Variants in ZNF365 observed in about 807,000 individuals in gnomAD.
ZNF365 encodes zinc finger protein 365, also known as protein ZNF365.
In ZNF365, 22 loss-of-function variants were observed where a neutral mutation model predicts 35.0. The observed-to-expected ratio is 0.63, with a 90% CI of 0.45 to 0.90. The LOEUF (loss-of-function observed/expected upper bound fraction) is 0.90. Ranked by LOEUF, ZNF365 falls within the 40% of genes least tolerant of loss-of-function variation. The pLI is 0.00. For synonymous variants in ZNF365, 188 were observed against 196.2 expected (o/e 0.96, Z 0.35); for missense variants, 448 against 500.3 (o/e 0.90, Z 1.00).
chr10:62,459,698 A>G (rs747939195), intron 3 of ZNF365: 1 of 1,582,044 alleles, frequency 6.3e-7, no homozygotes, highest in African/African-American at 1.3e-5. Context: ...CAGTCTACAC[A>G]CTAGCTCCAT....
At chr10:62,463,294 A>C (rs1840878461) in intron 4 of ZNF365, among the ~76,000 whole-genome samples, 1 of 152,200 alleles carries the variant, frequency 6.6e-6, no homozygotes, top group South Asian at 2.1e-4. Flanking sequence ...CCTTCTTGTC[A>C]AAGCCAAAAG....
intron 2 of ZNF365, among the ~76,000 whole-genome samples, chr10:62,381,519 A>G (rs1441865777): frequency 6.6e-6 from 1 of 152,018 alleles, no homozygotes; most frequent in African/African-American, 2.4e-5. Context: ...GTCAAGACTT[A>G]TGTAATACTG....
intron 3 of ZNF365, among the ~76,000 whole-genome samples, chr10:62,458,999 C>T (rs528721767): frequency 1.3e-5 from 2 of 152,140 alleles, no homozygotes; most frequent in Admixed American, 1.3e-4. Flanking sequence ...GGTAAATGAC[C>T]CATGAAAGAA....
intron 3 of ZNF365, among the ~76,000 whole-genome samples, chr10:62,415,437 T>C (rs1217018729): frequency 6.6e-6 from 1 of 152,142 alleles, no homozygotes; most frequent in African/African-American, 2.4e-5. Context: ...GTTATTACGA[T>C]ATTGTTTCTT....
At chr10:62,415,600 AT>A (rs1406122786) in intron 3 of ZNF365, among the ~76,000 whole-genome samples, 1 of 151,978 alleles carries the variant, frequency 6.6e-6, no homozygotes, top group African/African-American at 2.4e-5. Flanking sequence ...ATTTACTCTT[AT>A]TTCTCTAGTA....
downstream of ZNF365, among the ~76,000 whole-genome samples, chr10:62,406,563 A>G (rs1366022177): frequency 6.6e-6 from 1 of 152,174 alleles, no homozygotes; most frequent in Non-Finnish European, 1.5e-5. Context: ...GTATGGGAAC[A>G]TCAGTGGCCT....
intron 4 of ZNF365, among the ~76,000 whole-genome samples, chr10:62,470,409 G>A (rs1421370361): frequency 6.6e-6 from 1 of 152,178 alleles, no homozygotes; most frequent in East Asian, 1.9e-4. Flanking sequence ...TCGTGATTTA[G>A]CACACTTCCT....
chr10:62,419,110 A>G (rs921683039), intron 3 of ZNF365, among the ~76,000 whole-genome samples: 17 of 152,268 alleles, frequency 1.1e-4, no homozygotes, highest in South Asian at 6.2e-4. Context: ...AAGAAAATCT[A>G]AAAGTAAATG....
At position 62,416,542 on chromosome 10, in the gene ZNF365, T is replaced by A. The variant is rs114763107; in HGVS notation, c.924+27966T>A. The stretch of plus-strand genomic sequence containing the variant: ...AAAAAAATGGATGGATTAAAGATGT[T>A]TGAAAGGTCATGGATCCTTTGCAGC... On this transcript the variant is annotated intron_variant, in intron 3 of 4. Coordinates refer to the ZNF365 transcript ENST00000395255. Among the ~76,000 whole-genome samples the A allele has an allele frequency of 6.5e-3, 984 of 152,254 alleles. 7 individuals carry two copies. The highest frequency in any genetic ancestry group is 0.022 in the African/African-American group (933 of 41,588).
chr10:62,447,686 T>C (rs1365889534), intron 3 of ZNF365, among the ~76,000 whole-genome samples: 1 of 152,224 alleles, frequency 6.6e-6, no homozygotes, highest in Non-Finnish European at 1.5e-5. Flanking sequence ...GCTCCAGTAC[T>C]TGTCTGTGCT....
chr10:62,463,930 A>G (rs1481955786), intron 4 of ZNF365, among the ~76,000 whole-genome samples: 1 of 152,210 alleles, frequency 6.6e-6, no homozygotes, highest in Non-Finnish European at 1.5e-5. Flanking sequence ...CAAACTGTGC[A>G]TTTTGGGATC....
rs1462053909 is a variant in ZNF365 at position 62,376,579 on chromosome 10, A to T, written c.386A>T (p.Tyr129Phe). The T allele has an allele frequency of 1.2e-6, 2 of 1,614,028 alleles. No individual in the cohort carries two copies. Among genetic ancestry groups the T allele is most frequent in the Middle Eastern group, 1.6e-4 (1 of 6,084 alleles). Residue 129 changes from tyrosine (Y) to phenylalanine (F), a missense_variant, in exon 2 of 5, where the codon TAC becomes TTC. Coordinates refer to ENST00000395254, the MANE Select transcript of ZNF365 (RefSeq NM_014951.3). ...AGGCCTGTGTCCTATGTGCAGACCT[A>T]CACTGCCATGGACCTCCATGCAGAC... ...AERPVSYVQT[Y>F]TAMDLHADSL... is the part of the protein sequence containing the mutation.
intron 3 of ZNF365, among the ~76,000 whole-genome samples, chr10:62,431,723 A>G (rs1038230402): frequency 6.6e-6 from 1 of 152,238 alleles, no homozygotes; most frequent in Admixed American, 6.5e-5. Context: ...GAGCTTCTGG[A>G]TATAAGAATA....
chr10:62,385,485 T>C (rs557404440), intron 2 of ZNF365, among the ~76,000 whole-genome samples: 4 of 152,356 alleles, frequency 2.6e-5, no homozygotes, highest in Admixed American at 1.3e-4. Context: ...AAATTTGTTC[T>C]CTTGCTTTTG....
At chr10:62,406,813 G>A (rs74686368), downstream of ZNF365, among the ~76,000 whole-genome samples, 3,501 of 152,172 alleles carry the variant, frequency 0.023, 59 homozygotes, top group Non-Finnish European at 0.036. Context: ...CATTTTAAGC[G>A]TAAGCCCCTC....
chr10:62,433,314 C>T (rs1299332012), intron 3 of ZNF365, among the ~76,000 whole-genome samples: 5 of 152,068 alleles, frequency 3.3e-5, no homozygotes, highest in African/African-American at 4.8e-5. Context: ...GCCATCGAGG[C>T]GGGCTGAGTC....
At chr10:62,379,644 C>G (rs1302098414) in intron 2 of ZNF365, among the ~76,000 whole-genome samples, 5 of 152,080 alleles carry the variant, frequency 3.3e-5, no homozygotes, top group African/African-American at 7.2e-5. Flanking sequence ...CTCCCCACCC[C>G]CGCACCCCTG....
At position 62,401,053 on chromosome 10, in the gene ZNF365, T is replaced by A. The variant is rs1033337537; in HGVS notation, c.*1264T>A. On this transcript the variant is annotated 3_prime_UTR_variant, in exon 5 of 5. Coordinates refer to ENST00000395254, the MANE Select transcript of ZNF365 (RefSeq NM_014951.3). Reference sequence around the variant, plus strand: ...GTTATTTTTTCCTTAAATTTAGCAATATCATCAGGTCTCTTGCAGAGTTTA... The same window carrying A: ...GTTATTTTTTCCTTAAATTTAGCAAAATCATCAGGTCTCTTGCAGAGTTTA... 9.1e-6 allele frequency: 9 copies of A among 985,422 alleles called. No homozygotes were observed. The highest frequency in any genetic ancestry group is 1.1e-5 in the Non-Finnish European group (9 of 829,932). 61.0% of individuals were successfully genotyped at this position (985,422 alleles called of 1,614,324 possible).
chr10:62,394,262 C>T (rs942348227), intron 3 of ZNF365, among the ~76,000 whole-genome samples: 32 of 152,120 alleles, frequency 2.1e-4, no homozygotes, highest in African/African-American at 7.7e-4. Flanking sequence ...CATTTTGGAG[C>T]TTTCGGATTT....
Sources: allele counts gnomAD v4.1 joint callset (sites outside exome capture counted in the v4.1 genomes callset), GRCh38; gene constraint gnomAD v4.1.1; transcripts MANE v1.5; gene names NCBI Gene and HGNC (gene_info 2026-07-23, HGNC 2026-07-21).